The following SH2B2 variants were observed in gnomAD, a reference collection of about 807,000 sequenced individuals.
SH2B2 encodes the protein SH2B adaptor protein 2.
Under a neutral mutation model 35.7 loss-of-function variants are expected in SH2B2, and 37 were observed. That is an observed-to-expected ratio of 1.04 (90% CI 0.80 to 1.36). The LOEUF is 1.36. SH2B2 is among the 40% of genes most tolerant of loss of function. The probability of loss-of-function intolerance (pLI) is 0.00; values close to 1 mark genes in which losing one functional copy is unlikely to be tolerated. For missense variants in SH2B2, 852 were observed against 817.7 expected, an observed-to-expected ratio of 1.04 and a Z score of -0.51; for synonymous variants, 383 against 376.4, an observed-to-expected ratio of 1.02 and a Z score of -0.20.
At chr7:102,312,149 G>A (rs1056747963) in intron 4 of SH2B2, among the ~76,000 whole-genome samples, 9 of 150,698 alleles carry the variant, frequency 6.0e-5, no homozygotes, top group African/African-American at 4.9e-5. Context: ...CGAGGCAGGC[G>A]GATCACGAGG....
At chr7:102,314,300 AC>A (rs1480599897) in intron 4 of SH2B2, 35 bp from the exon 5 acceptor site, 1 of 398,540 alleles carries the variant, frequency 2.5e-6, no homozygotes, top group East Asian at 3.6e-5. Flanking sequence ...TCCAAGTCCC[AC>A]GGCAGGACAT....
At chr7:102,298,516 T>A (rs1275470591) in intron 1 of SH2B2, among the ~76,000 whole-genome samples, 1 of 152,112 alleles carries the variant, frequency 6.6e-6, no homozygotes. Context: ...AGCCTCAACC[T>A]CCCAGGCTAA....
intron 6 of SH2B2, 117 bp from the exon 7 acceptor site, chr7:102,317,070 C>T (rs539728653): frequency 3.6e-6 from 3 of 837,170 alleles, no homozygotes; most frequent in Non-Finnish European, 5.4e-6. Context: ...AAACATTATT[C>T]CAACAGCATT....
At chr7:102,298,967 C>A (rs1293265022) in intron 1 of SH2B2, among the ~76,000 whole-genome samples, 1 of 129,988 alleles carries the variant, frequency 7.7e-6, no homozygotes, top group Non-Finnish European at 1.5e-5. Flanking sequence ...GTCGCCAAGG[C>A]TGGAGTGCAG....
intron 2 of SH2B2, 144 bp downstream of exon 2, chr7:102,301,423 A>G: frequency 9.6e-7 from 1 of 1,037,452 alleles, no homozygotes; most frequent in South Asian, 1.8e-5. Context: ...GGACCCTGGG[A>G]GGTGGGCCTG....
In SH2B2 at chr7:102,317,303, G is replaced by A. The variant is rs782447117; in HGVS notation, c.1303G>A (p.Gly435Arg). Residue 435 changes from glycine (G) to arginine (R), a missense_variant, in exon 7 of 9, where the codon GGG (glycine) becomes AGG (arginine). Physicochemically the swap from Gly to Arg is moderately radical, Grantham distance 125 (BLOSUM62 -2). Coordinates refer to ENST00000444095, the MANE Select transcript of SH2B2 (RefSeq NM_001359228.2). ...GGCTGCTCAACTGGTTCTGGCAGGG[G>A]GGCCCCGGAACCACGGCCTCTTCGT... ...VKAAQLVLAGGPRNHGLFVIR... is the reference protein window; with the variant it reads ...VKAAQLVLAGRPRNHGLFVIR... The A allele has an allele frequency of 3.1e-6, 5 of 1,613,486 alleles. No individual in the cohort carries two copies. In the Admixed American group the frequency reaches 5.0e-5, roughly 16 times the overall value.
intron 7 of SH2B2, 48 bp downstream of exon 7, chr7:102,317,443 G>C (rs782100399): frequency 6.8e-7 from 1 of 1,480,582 alleles, no homozygotes. Flanking sequence ...AGCCCTGAGG[G>C]AGAGGGGTCA....
At chr7:102,290,350 C>T (rs1170522420) in intron 1 of SH2B2, among the ~76,000 whole-genome samples, 3 of 28,650 alleles carry the variant, frequency 1.0e-4, no homozygotes, top group Non-Finnish European at 2.3e-4. Context: ...CAACCTCCAC[C>T]ACCTCTGGGG....
intron 7 of SH2B2, 147 bp downstream of exon 7, chr7:102,317,542 C>T (rs1793899109): frequency 2.9e-6 from 2 of 694,630 alleles, no homozygotes; most frequent in Admixed American, 6.3e-5. Context: ...CTCACCCCAG[C>T]CATGCTCCGT....
At chr7:102,310,647 G>C (rs1021348948) in intron 4 of SH2B2, among the ~76,000 whole-genome samples, 1 of 152,182 alleles carries the variant, frequency 6.6e-6, no homozygotes, top group South Asian at 2.1e-4. Flanking sequence ...GGGAAGGGCC[G>C]CTGCTTTCTA....
Position 102,321,305 on chromosome 7 carries a change from G to C in SH2B2, c.1574G>C (p.Gly525Ala). 1.4e-6 allele frequency: 2 copies of C among 1,403,050 alleles called. No homozygotes were observed. Among genetic ancestry groups the C allele is most frequent in the African/African-American group, 1.5e-5 (1 of 66,320 alleles). The allele number at this position is 1,403,050 out of a possible 1,614,324, so 86.9% of individuals were successfully genotyped here. ...TGCCGTCGCCTTGTTGCAGAGCCGG[G>C]CCCCACGCCCCCTGCCGCGCCCGCG... ...VRAQDPPPEP[G>A]PTPPAAPASP... is the part of the protein sequence containing the mutation. The change falls in exon 9 of 9, where the codon GGC becomes GCC. Residue 525 changes from glycine to alanine, a missense_variant. Physicochemically the swap from Gly to Ala is moderately conservative, Grantham distance 60. Transcript: ENST00000444095.
At chr7:102,290,702 A>G (rs1554551654) in intron 1 of SH2B2, among the ~76,000 whole-genome samples, 1 of 152,172 alleles carries the variant, frequency 6.6e-6, no homozygotes, top group Non-Finnish European at 1.5e-5. Context: ...CATCTCTGCA[A>G]TGGAGAAACA....
chr7:102,312,075 CA>C (rs35504215), intron 4 of SH2B2, among the ~76,000 whole-genome samples: 2,574 of 93,140 alleles, frequency 0.028, 63 homozygotes, highest in African/African-American at 0.083. Flanking sequence ...GACTCAGTCT[CA>C]AAAAAAAAAA....
Position 102,300,769 on chromosome 7 carries a change from C to A in SH2B2, c.219C>A (p.Phe73Leu). ...RHFAANFLDV[F>L]GEEVRRVLVA... ...TCGCCGCCAACTTCCTGGACGTCTT[C>A]GGCGAGGAGGTGCGCCGCGTGCTGG... is the stretch of plus-strand genomic sequence containing the variant. The change falls in exon 2 of 9, where the codon TTC (phenylalanine) becomes TTA (leucine). Residue 73 changes from phenylalanine (F) to leucine (L), a missense_variant. Physicochemically the swap from Phe to Leu is conservative, Grantham distance 22. Transcript: ENST00000444095. The A allele has an allele frequency of 1.3e-6, 2 of 1,532,796 alleles. No homozygotes were observed. The highest frequency in any genetic ancestry group is 2.5e-5 in the East Asian group (1 of 40,268). The allele number at this position is 1,532,796 out of a possible 1,614,324, so 94.9% of individuals were successfully genotyped here. A position where few individuals can be genotyped will look rare whatever the true frequency, so the allele number is the denominator to read the frequency against.
chr7:102,298,602 A>G (rs781920616), intron 1 of SH2B2, among the ~76,000 whole-genome samples: 23 of 152,062 alleles, frequency 1.5e-4, no homozygotes, highest in Non-Finnish European at 3.2e-4. Context: ...ATTTTTTGGG[A>G]CAGGGTCTCG....
intron 4 of SH2B2, chr7:102,309,581 G>GAACTCCAGACCTCAAGTGATCCGCCC (rs1793538284): frequency 3.6e-6 from 1 of 275,162 alleles, no homozygotes; most frequent in Admixed American, 4.9e-5. Flanking sequence ...GGCTGGTCTC[G>GAACTCCAGACCTCAAGTGATCCGCCC]AACTCCAGAC....
chr7:102,307,927 T>A (rs1793466347), intron 3 of SH2B2, among the ~76,000 whole-genome samples: 1 of 152,076 alleles, frequency 6.6e-6, no homozygotes, highest in South Asian at 2.1e-4. Context: ...CACGCCACCA[T>A]GCTTGGCTAA....
At chr7:102,285,950 T>A (rs1792430446), upstream of SH2B2, among the ~76,000 whole-genome samples, 2 of 151,346 alleles carry the variant, frequency 1.3e-5, no homozygotes, top group South Asian at 2.1e-4. Flanking sequence ...CTGAGCCCCC[T>A]GCACCTCTTT....
At chr7:102,315,744 G>GA (rs61456197) in intron 6 of SH2B2, among the ~76,000 whole-genome samples, 23,964 of 90,544 alleles carry the variant, frequency 0.26, 2,944 homozygotes, top group Admixed American at 0.3. Context: ...CCTGTGAAAA[G>GA]AAAAAAAAAA....
Sources: allele counts gnomAD v4.1 joint callset (sites outside exome capture counted in the v4.1 genomes callset), GRCh38; gene constraint gnomAD v4.1.1; transcripts MANE v1.5; gene names NCBI Gene and HGNC (gene_info 2026-07-23, HGNC 2026-07-21).